The following KCNMA1 variants were observed in gnomAD, a reference collection of about 807,000 sequenced individuals.
The protein encoded by KCNMA1 is potassium calcium-activated channel subfamily M alpha 1, also known as Calcium-activated potassium channel subunit alpha-1.
Under a neutral mutation model 140.0 loss-of-function variants are expected in KCNMA1, and 29 were observed. The observed-to-expected ratio is 0.21, with a 90% CI of 0.15 to 0.28. The LOEUF is 0.28. Ranked by LOEUF, KCNMA1 falls within the 10% of genes least tolerant of loss-of-function variation. The pLI is 1.00. For synonymous variants in KCNMA1, 612 were observed against 611.9 expected (o/e 1.00, Z 0.00); for missense variants, 880 against 1,602.2 (o/e 0.55, Z 7.70).
rs531031551 is a variant in KCNMA1, at chr10:77,110,538, G to A, written c.961-195C>T. On this transcript the variant is annotated intron_variant, in intron 7 of 27. Transcript: ENST00000286628. Reference sequence around the variant, plus strand: ...CTGAGCAGGACACAGAGAAAGTGGAGAAGCAGCTGCAGGAGATGTCTTCCT... The same window carrying A: ...CTGAGCAGGACACAGAGAAAGTGGAAAAGCAGCTGCAGGAGATGTCTTCCT... 9.2e-5 allele frequency among the ~76,000 whole-genome samples: 14 copies of A among 152,344 alleles called. No individual in the cohort carries two copies. In the East Asian group the frequency reaches 2.7e-3, roughly 29 times the overall value.
At chr10:77,366,422 G>A (rs1251911277) in intron 2 of KCNMA1, among the ~76,000 whole-genome samples, 2 of 152,170 alleles carry the variant, frequency 1.3e-5, no homozygotes, top group African/African-American at 4.8e-5. Context: ...GCCCACCTCA[G>A]CCTCCCAAAG....
intron 3 of KCNMA1, among the ~76,000 whole-genome samples, chr10:77,236,698 T>C (rs973417944): frequency 1.3e-5 from 2 of 152,266 alleles, no homozygotes; most frequent in African/African-American, 2.4e-5. Flanking sequence ...TATATATACA[T>C]TTATACAGTA....
At chr10:77,628,797 G>T (rs1420551054) in intron 1 of KCNMA1, among the ~76,000 whole-genome samples, 2 of 151,956 alleles carry the variant, frequency 1.3e-5, no homozygotes, top group African/African-American at 2.4e-5. Flanking sequence ...TCCCTATTGT[G>T]CTAGAAACCA....
At chr10:77,368,362 T>C (rs1480362961) in intron 2 of KCNMA1, among the ~76,000 whole-genome samples, 2 of 152,232 alleles carry the variant, frequency 1.3e-5, no homozygotes, top group Non-Finnish European at 2.9e-5. Context: ...TCTATTCAAG[T>C]CTTTTGCCCA....
rs780661063 is a variant in KCNMA1 at position 76,953,862 on chromosome 10, T to C, written c.2423A>G (p.Lys808Arg). 2 of 1,614,096 alleles carry C rather than the reference T, an allele frequency of 1.2e-6. No individual in the cohort carries two copies. The highest frequency in any genetic ancestry group is 8.5e-7 in the Non-Finnish European group (1 of 1,179,940). The stretch of plus-strand genomic sequence containing the variant: ...GTGAAACATCCCAGTAGAGTCGTAC[T>C]TCTTCACATTGGAGTCCATGTTGTC... Reference protein sequence around the residue: ...QIDNMDSNVKKYDSTGMFHWC... With the variant: ...QIDNMDSNVKRYDSTGMFHWC... Residue 808 changes from lysine (K) to arginine (R), a missense_variant, in exon 21 of 28, where the codon AAG (lysine) becomes AGG (arginine). By Grantham distance (26) the Lys-to-Arg change is conservative. Around this residue, in one of 13 missense-constraint regions of KCNMA1, gnomAD observed 196 missense variants for 233.0 expected, o/e 0.84. Transcript: ENST00000286628.
intron 2 of KCNMA1, among the ~76,000 whole-genome samples, chr10:77,382,885 A>AAAAATAT (rs1555265196): frequency 1.1e-5 from 1 of 91,300 alleles, no homozygotes; most frequent in African/African-American, 4.8e-5. Flanking sequence ...AAAAAAAAAA[A>AAAAATAT]ATATATATAT....
In KCNMA1 at chr10:77,565,723, C is replaced by G. The variant is rs148391928; in HGVS notation, c.378+71542G>C. Among the ~76,000 whole-genome samples, 5 of 152,362 alleles carry G rather than the reference C, an allele frequency of 3.3e-5. No individual in the cohort carries two copies. The East Asian group carries it at 9.6e-4, about 29-fold the overall frequency. ...AGTTGATCTGGTGCAGTGCTTAGTACTTGGCACAAGATAAGTGGTTAGTAA... is the reference window on the plus strand; with the variant it reads ...AGTTGATCTGGTGCAGTGCTTAGTAGTTGGCACAAGATAAGTGGTTAGTAA... On this transcript the variant is annotated intron_variant, in intron 1 of 27. Coordinates refer to ENST00000286628, the MANE Select transcript of KCNMA1 (RefSeq NM_001161352.2).
intron 1 of KCNMA1, among the ~76,000 whole-genome samples, chr10:77,453,242 T>C (rs1474960926): frequency 6.6e-6 from 1 of 151,984 alleles, no homozygotes; most frequent in Non-Finnish European, 1.5e-5. Flanking sequence ...ATCAAGAGTA[T>C]TTCCAGAGAT....
intron 18 of KCNMA1, chr10:77,008,118 G>A: frequency 7.0e-7 from 1 of 1,432,080 alleles, no homozygotes; most frequent in Middle Eastern, 1.7e-4. Context: ...AAAATTAAAA[G>A]AGTATCTCTT....
At chr10:76,924,967 C>G (rs2057226361) in intron 23 of KCNMA1, among the ~76,000 whole-genome samples, 1 of 152,148 alleles carries the variant, frequency 6.6e-6, no homozygotes, top group Non-Finnish European at 1.5e-5. Flanking sequence ...ACCAGCCTTA[C>G]CCACTTCAGA....
At chr10:76,901,305 T>G (rs1413801980) in intron 25 of KCNMA1, 1 of 152,224 alleles carries the variant, frequency 6.6e-6, no homozygotes, top group African/African-American at 2.4e-5. Context: ...CTTTTTATTT[T>G]TATATGTTTC....
At chr10:76,918,409 A>C (rs1907729) in intron 23 of KCNMA1, among the ~76,000 whole-genome samples, 124,474 of 152,190 alleles carry the variant, frequency 0.82, 51,160 homozygotes, top group South Asian at 0.92. Flanking sequence ...TTAGCCATGT[A>C]CCCATAGCAC....
chr10:77,019,881 C>A (rs1308217023), intron 16 of KCNMA1: 1 of 152,088 alleles, frequency 6.6e-6, no homozygotes, highest in Non-Finnish European at 1.5e-5. Context: ...AAGTGGGAAC[C>A]TAAATATACA....
chr10:77,413,687 G>T (rs1001266210), intron 1 of KCNMA1, among the ~76,000 whole-genome samples: 34 of 152,214 alleles, frequency 2.2e-4, no homozygotes, highest in Middle Eastern at 3.4e-3. Flanking sequence ...CTGGGAAGTT[G>T]CATAGTCCAA....
At chr10:76,930,555 C>G (rs774889580) in intron 23 of KCNMA1, among the ~76,000 whole-genome samples, 34 of 152,068 alleles carry the variant, frequency 2.2e-4, no homozygotes, top group Non-Finnish European at 3.1e-4. Context: ...CTATAGAAGA[C>G]AGTATGAAGT....
At chr10:77,274,695 G>A (rs1163377013) in intron 2 of KCNMA1, among the ~76,000 whole-genome samples, 2 of 152,290 alleles carry the variant, frequency 1.3e-5, no homozygotes, top group African/African-American at 2.4e-5. Context: ...GGCTAACCCC[G>A]ACTCCATTTG....
intron 1 of KCNMA1, among the ~76,000 whole-genome samples, chr10:77,563,135 T>C (rs960986006): frequency 1.3e-5 from 2 of 152,140 alleles, no homozygotes; most frequent in Non-Finnish European, 2.9e-5. Context: ...TCTTTTTTTT[T>C]CCAAACCCGT....
chr10:77,181,659 G>A (rs1456123242), intron 5 of KCNMA1, among the ~76,000 whole-genome samples: 2 of 152,130 alleles, frequency 1.3e-5, no homozygotes, highest in African/African-American at 4.8e-5. Context: ...GGCACCCAGG[G>A]CCACGTAAGT....
intron 15 of KCNMA1, among the ~76,000 whole-genome samples, chr10:77,035,118 A>C (rs2153560999): frequency 6.6e-6 from 1 of 152,336 alleles, no homozygotes; most frequent in South Asian, 2.1e-4. Flanking sequence ...AATCTGATGC[A>C]TCTCTTTGTC....
Sources: allele counts gnomAD v4.1 joint callset (sites outside exome capture counted in the v4.1 genomes callset), GRCh38; gene constraint gnomAD v4.1.1; regional missense constraint gnomAD v4.1.1; transcripts MANE v1.5; gene names NCBI Gene and HGNC (gene_info 2026-07-23, HGNC 2026-07-21).